Variants in LRRC8D observed in about 807,000 individuals in gnomAD.
LRRC8D encodes volume-regulated anion channel subunit LRRC8D.
A neutral mutation model predicts 55.8 loss-of-function variants in LRRC8D; 20 were observed. The ratio of observed to expected loss-of-function variants is 0.36; its 90% CI spans 0.25 to 0.52. The LOEUF (loss-of-function observed/expected upper bound fraction) is 0.52. Among genes scored for constraint, LRRC8D ranks in the 20% least tolerant of loss-of-function variants. LRRC8D has a pLI of 0.93. For missense variants in LRRC8D, 651 were observed against 1,030.8 expected, an observed-to-expected ratio of 0.63 and a Z score of 5.05; for synonymous variants, 352 against 377.0, an observed-to-expected ratio of 0.93 and a Z score of 0.77.
intron 2 of LRRC8D, among the ~76,000 whole-genome samples, chr1:89,909,014 G>A (rs1349340952): frequency 2.0e-5 from 3 of 152,034 alleles, no homozygotes; most frequent in Admixed American, 6.5e-5. Context: ...AAAGGAGTGG[G>A]TGTGTTTGCG....
At chr1:89,830,607 T>TG (rs1660863501) in intron 1 of LRRC8D, among the ~76,000 whole-genome samples, 1 of 151,906 alleles carries the variant, frequency 6.6e-6, no homozygotes, top group South Asian at 2.1e-4. Flanking sequence ...GCCCTCAGGG[T>TG]GGGGTCATCA....
chr1:89,843,631 C>A lies in LRRC8D; in HGVS notation c.-147-7C>A, dbSNP rs769292877. 7.1e-6 allele frequency: 5 copies of A among 701,772 alleles called. No individual in the cohort carries two copies. The South Asian group carries it at 7.4e-5, about 10-fold the overall frequency. The allele number at this position is 701,772 out of a possible 1,614,324, so 43.5% of individuals were successfully genotyped here. A position where few individuals can be genotyped will look rare whatever the true frequency, so the allele number is the denominator to read the frequency against. On this transcript the variant is annotated splice_region_variant and splice_polypyrimidine_tract_variant and intron_variant, in intron 1 of 2. Coordinates refer to ENST00000337338, the MANE Select transcript of LRRC8D (RefSeq NM_001134479.2). ...TAGCTCTTTCTCTCCCCTGTGTTTT[C>A]AAACAGGAAGTGCACGGCTGTCTAT...
chr1:89,900,938 G>A (rs867738232), intron 2 of LRRC8D, among the ~76,000 whole-genome samples: 3 of 152,182 alleles, frequency 2.0e-5, no homozygotes, highest in Non-Finnish European at 4.4e-5. Flanking sequence ...GGCCAGAGGG[G>A]TCAGGGAATG....
chr1:89,930,362 T>G (rs1255474301), intron 2 of LRRC8D, among the ~76,000 whole-genome samples: 2 of 152,108 alleles, frequency 1.3e-5, no homozygotes, highest in African/African-American at 2.4e-5. Context: ...CCTGGCTAAT[T>G]TTTGTATTTT....
intron 1 of LRRC8D, among the ~76,000 whole-genome samples, chr1:89,835,112 A>G (rs1419273166): frequency 6.6e-6 from 1 of 152,136 alleles, no homozygotes; most frequent in Non-Finnish European, 1.5e-5. Context: ...GAGTTTCCTA[A>G]ATGTGCAGAT....
At chr1:89,901,303 A>G (rs985561562) in intron 2 of LRRC8D, among the ~76,000 whole-genome samples, 3 of 152,210 alleles carry the variant, frequency 2.0e-5, no homozygotes, top group African/African-American at 7.2e-5. Context: ...AGGAAGCCAG[A>G]TTTCAGGTCC....
At chr1:89,853,920 GTGTA>G (rs1661486492) in intron 2 of LRRC8D, among the ~76,000 whole-genome samples, 2 of 152,162 alleles carry the variant, frequency 1.3e-5, no homozygotes, top group Non-Finnish European at 1.5e-5. Context: ...GAGGAGTTGT[GTGTA>G]TGTGTGTGAT....
In LRRC8D at chr1:89,934,725, C is replaced by G. The variant is rs769437053; in HGVS notation, c.1657C>G (p.Pro553Ala). The change falls in exon 3 of 3, where the codon CCT becomes GCT. Residue 553 changes from proline to alanine, a missense_variant. Around this residue, in one of 5 missense-constraint regions of LRRC8D, gnomAD observed 338 missense variants for 479.4 expected, o/e 0.71. Coordinates refer to ENST00000337338, the MANE Select transcript of LRRC8D (RefSeq NM_001134479.2). The surrounding 1 kb of genome is among the most constrained non-coding windows in gnomAD (Gnocchi z 5.9). ...HVKFTDVAEI[P>A]AWVYLLKNLR... ...GAAGTTCACTGATGTGGCTGAAATT[C>G]CTGCCTGGGTGTATTTGCTCAAAAA... The G allele has an allele frequency of 8.7e-6, 14 of 1,613,978 alleles. No homozygotes were observed. The highest frequency in any genetic ancestry group is 4.0e-5 in the African/African-American group (3 of 74,898).
At chr1:89,929,537 A>G (rs920225031) in intron 2 of LRRC8D, among the ~76,000 whole-genome samples, 4 of 152,232 alleles carry the variant, frequency 2.6e-5, no homozygotes, top group African/African-American at 9.6e-5. Context: ...TGTCCTCAGT[A>G]CACTGACTTT....
rs1279960904 is a variant in LRRC8D at position 89,911,232 on chromosome 1, C to T, written c.-2-21835C>T. On this transcript the variant is annotated intron_variant, in intron 2 of 2. Transcript: ENST00000337338. The surrounding 1 kb of genome is among the most constrained non-coding windows in gnomAD (Gnocchi z 4.0). ...GAATTATTTTGCAAGTTACCTTTTT[C>T]CCTTTAGACTTTTCAAAAAAGAACC... Among the ~76,000 whole-genome samples, 2 of 149,998 alleles carry T rather than the reference C, an allele frequency of 1.3e-5. No homozygotes were observed. Among genetic ancestry groups the T allele is most frequent in the South Asian group, 2.1e-4 (1 of 4,788 alleles).
chr1:89,852,087 C>T (rs1661433060), intron 2 of LRRC8D, among the ~76,000 whole-genome samples: 1 of 151,970 alleles, frequency 6.6e-6, no homozygotes, highest in Admixed American at 6.6e-5. Flanking sequence ...TGAGATTTAC[C>T]AAGCTTGCAC....
intron 1 of LRRC8D, among the ~76,000 whole-genome samples, chr1:89,833,119 G>A (rs1014941467): frequency 1.3e-5 from 2 of 152,292 alleles, no homozygotes; most frequent in East Asian, 1.9e-4. Context: ...CAACAACGAC[G>A]AACATAAATT....
rs76220258 is a variant in LRRC8D at position 89,898,891 on chromosome 1, C to T, written c.-2-34176C>T. On this transcript the variant is annotated intron_variant, in intron 2 of 2. Transcript: ENST00000337338. ...GTTGTGTTTCCATCTCTATGAAAGCCAGTGTTGAGTAACTCAAAAGCAGTG... is the reference window on the plus strand; with the variant it reads ...GTTGTGTTTCCATCTCTATGAAAGCTAGTGTTGAGTAACTCAAAAGCAGTG... 8.5e-5 allele frequency among the ~76,000 whole-genome samples: 13 copies of T among 152,254 alleles called. No individual in the cohort carries two copies. The East Asian group carries it at 2.5e-3, about 29-fold the overall frequency.
intron 2 of LRRC8D, chr1:89,846,673 T>G (rs549658158): frequency 6.6e-6 from 1 of 152,186 alleles, no homozygotes; most frequent in Non-Finnish European, 1.5e-5. Flanking sequence ...GTTTTCATTT[T>G]TAAAGCAGTT....
At chr1:89,873,142 A>G (rs975942016) in intron 2 of LRRC8D, among the ~76,000 whole-genome samples, 2 of 152,154 alleles carry the variant, frequency 1.3e-5, no homozygotes, top group East Asian at 1.9e-4. Flanking sequence ...GGGAGAGATC[A>G]TAGAGATCCA....
intron 2 of LRRC8D, among the ~76,000 whole-genome samples, chr1:89,859,231 G>A (rs1661636159): frequency 6.6e-6 from 1 of 151,508 alleles, no homozygotes; most frequent in African/African-American, 2.4e-5. Context: ...GTAATGGTAG[G>A]TAATAGCAAA....
chr1:89,881,668 C>A (rs1464299663), intron 2 of LRRC8D, among the ~76,000 whole-genome samples: 1 of 152,052 alleles, frequency 6.6e-6, no homozygotes, highest in African/African-American at 2.4e-5. Context: ...AAGGGAGAAC[C>A]TAAGGGGGCT....
chr1:89,838,454 G>C (rs1434341476), intron 1 of LRRC8D, among the ~76,000 whole-genome samples: 1 of 152,164 alleles, frequency 6.6e-6, no homozygotes, highest in African/African-American at 2.4e-5. Context: ...TACTACCACA[G>C]AAGATTAACA....
intron 2 of LRRC8D, among the ~76,000 whole-genome samples, chr1:89,898,115 C>G (rs1317486007): frequency 6.6e-6 from 1 of 152,156 alleles, no homozygotes; most frequent in African/African-American, 2.4e-5. Context: ...AGAGGAAAAA[C>G]CTTGGGTTCC....
Sources: gnomAD v4.1 joint callset for allele counts (sites outside exome capture counted in the v4.1 genomes callset) on GRCh38, gnomAD v4.1.1 for gene constraint, gnomAD v4.1.1 regional missense constraint, Gnocchi (gnomAD v3.1) non-coding constraint, MANE v1.5 for transcripts, NCBI Gene and HGNC (gene_info 2026-07-23, HGNC 2026-07-21) for gene names.